PHF20: variants seen among roughly 807,000 people sequenced by gnomAD.
The protein encoded by PHF20 is glioma-expressed antigen 2.
PHF20 carries 23 observed loss-of-function variants against 113.5 expected under a neutral mutation model. The observed-to-expected ratio is 0.20, with a 90% CI of 0.15 to 0.29. The LOEUF is 0.29. Among genes scored for constraint, PHF20 ranks in the 10% least tolerant of loss-of-function variants. The pLI is 1.00. For missense variants in PHF20, 943 were observed against 1,219.6 expected, an observed-to-expected ratio of 0.77 and a Z score of 3.38; for synonymous variants, 434 against 457.3, an observed-to-expected ratio of 0.95 and a Z score of 0.65.
chr20:35,808,273 C>A (rs1007109679), intron 2 of PHF20, among the ~76,000 whole-genome samples: 2 of 151,946 alleles, frequency 1.3e-5, no homozygotes, highest in African/African-American at 4.8e-5. Flanking sequence ...TCCCGTTTTC[C>A]CTTCTGTGTT....
chr20:35,808,564 T>C (rs1292444138), intron 2 of PHF20, among the ~76,000 whole-genome samples: 1 of 151,956 alleles, frequency 6.6e-6, no homozygotes, highest in Non-Finnish European at 1.5e-5. Flanking sequence ...AATCTTCATT[T>C]ATTTATTTAT....
intron 2 of PHF20, among the ~76,000 whole-genome samples, chr20:35,811,017 TG>T (rs1465061966): frequency 6.6e-6 from 1 of 152,090 alleles, no homozygotes; most frequent in African/African-American, 2.4e-5. Context: ...TCCATTGAAA[TG>T]AAATGTGTGG....
intron 12 of PHF20, among the ~76,000 whole-genome samples, chr20:35,916,544 T>C (rs917703936): frequency 6.6e-6 from 1 of 152,238 alleles, no homozygotes; most frequent in African/African-American, 2.4e-5. Flanking sequence ...CTTGGCTCAC[T>C]GCAACCTCTG....
At chr20:35,858,246 G>A in intron 4 of PHF20, 56 bp from the exon 5 acceptor site, 1 of 930,784 alleles carries the variant, frequency 1.1e-6, no homozygotes, top group Non-Finnish European at 1.8e-6. Flanking sequence ...ACTTTGAAAA[G>A]TTACCACTTT....
chr20:35,941,124 C>T, intron 17 of PHF20, 77 bp downstream of exon 17: 2 of 1,226,958 alleles, frequency 1.6e-6, no homozygotes, highest in Non-Finnish European at 1.2e-6. Flanking sequence ...CTGAACCCCC[C>T]AGTCTGAGTT....
chr20:35,831,716 C>T (rs557230868), intron 2 of PHF20, among the ~76,000 whole-genome samples: 1 of 152,276 alleles, frequency 6.6e-6, no homozygotes, highest in African/African-American at 2.4e-5. Context: ...ACTGGGATTA[C>T]AGGTATGGGC....
At chr20:35,792,389 A>G (rs1011159427) in intron 1 of PHF20, among the ~76,000 whole-genome samples, 7 of 151,928 alleles carry the variant, frequency 4.6e-5, no homozygotes, top group Admixed American at 2.0e-4. Context: ...GGGTTTCACC[A>G]TGTTGGCCAG....
intron 14 of PHF20, among the ~76,000 whole-genome samples, chr20:35,928,210 G>C (rs900573122): frequency 1.3e-5 from 2 of 151,852 alleles, no homozygotes; most frequent in East Asian, 1.9e-4. Flanking sequence ...AGGCCAAGGC[G>C]GGTGAATCAA....
chr20:35,939,036 C>T lies in PHF20; in HGVS notation c.2640C>T (p.Ser880=). The part of the protein sequence containing the change: ...PLHENGDDSL[S]PRLGWPLDQD... ...ATGAGAACGGCGATGATTCCCTTTC[C>T]CCGCGCCTGGGCTGGCCTCTAGACC... The change falls in exon 16 of 18, where the codon TCC becomes TCT. Residue 880 remains serine (S), a synonymous_variant. Coordinates refer to ENST00000374012, the MANE Select transcript of PHF20 (RefSeq NM_016436.5). The T allele has an allele frequency of 1.2e-6, 2 of 1,614,170 alleles. No homozygotes were observed. Among genetic ancestry groups the T allele is most frequent in the Non-Finnish European group, 1.7e-6 (2 of 1,180,036 alleles).
intron 9 of PHF20, chr20:35,878,390 T>G (rs969854304): frequency 7.3e-6 from 3 of 412,134 alleles, no homozygotes; most frequent in Non-Finnish European, 4.3e-6. Context: ...TACATAGAAA[T>G]GGACCTCTTC....
intron 3 of PHF20, among the ~76,000 whole-genome samples, chr20:35,844,006 G>C (rs937385501): frequency 6.6e-6 from 1 of 151,924 alleles, no homozygotes; most frequent in Non-Finnish European, 1.5e-5. Context: ...AGGTTTTTTT[G>C]TTTTGTTTTG....
intron 2 of PHF20, among the ~76,000 whole-genome samples, chr20:35,810,188 C>T (rs1410550754): frequency 6.6e-6 from 1 of 152,090 alleles, no homozygotes; most frequent in Non-Finnish European, 1.5e-5. Context: ...CCTCCGCCTC[C>T]CAAAGTGCTG....
chr20:35,842,703 C>A lies in PHF20; in HGVS notation c.214C>A (p.Gln72Lys). The A allele has an allele frequency of 6.2e-7, 1 of 1,614,038 alleles. No individual in the cohort carries two copies. Among genetic ancestry groups the A allele is most frequent in the Non-Finnish European group, 8.5e-7 (1 of 1,179,954 alleles). ...SPYLRPLEKI[Q>K]LRKEGLHEED... Reference sequence around the variant, plus strand: ...TTATTTACGCCCTTTAGAGAAAATACAGCTGAGGAAAGAGGGCTTGCATGA... The same window carrying A: ...TTATTTACGCCCTTTAGAGAAAATAAAGCTGAGGAAAGAGGGCTTGCATGA... Residue 72 changes from glutamine (Q) to lysine (K), a missense_variant, in exon 3 of 18, where the codon CAG (glutamine) becomes AAG (lysine). This residue lies in a region of PHF20 where 592 missense variants were observed against 787.2 expected (regional missense o/e 0.75). Coordinates refer to ENST00000374012, the MANE Select transcript of PHF20 (RefSeq NM_016436.5).
chr20:35,792,514 CCCTT>C (rs1181365317), intron 1 of PHF20, among the ~76,000 whole-genome samples: 3 of 151,268 alleles, frequency 2.0e-5, no homozygotes, highest in Non-Finnish European at 2.9e-5. Context: ...TTCTTGCCTG[CCCTT>C]CCTTCCTTCC....
intron 13 of PHF20, 142 bp downstream of exon 13, chr20:35,917,804 G>A (rs1325702323): frequency 1.4e-5 from 10 of 706,042 alleles, no homozygotes; most frequent in Non-Finnish European, 1.6e-5. Context: ...TCTCTTTTTC[G>A]TTTGGCTTCC....
intron 1 of PHF20, among the ~76,000 whole-genome samples, chr20:35,788,806 G>A (rs1026754487): frequency 1.3e-5 from 2 of 151,038 alleles, no homozygotes; most frequent in South Asian, 2.1e-4. Flanking sequence ...TTGAACTGAC[G>A]TCAGGCGATC....
chr20:35,868,109 C>A (rs1568676788), intron 6 of PHF20, among the ~76,000 whole-genome samples: 1 of 151,936 alleles, frequency 6.6e-6, no homozygotes, highest in Non-Finnish European at 1.5e-5. Context: ...GCCTGACCAA[C>A]ATGGAGAAAC....
intron 10 of PHF20, among the ~76,000 whole-genome samples, chr20:35,912,141 C>G (rs933358456): frequency 6.6e-6 from 1 of 151,670 alleles, no homozygotes; most frequent in African/African-American, 2.4e-5. Flanking sequence ...CCACCAGACC[C>G]AGCTAATTTT....
chr20:35,837,604 G>C (rs1200892259), intron 2 of PHF20, among the ~76,000 whole-genome samples: 1 of 152,176 alleles, frequency 6.6e-6, no homozygotes, highest in Non-Finnish European at 1.5e-5. Flanking sequence ...TATTTTGGTA[G>C]GTAAAAAGCA....
Sources: allele counts gnomAD v4.1 joint callset (sites outside exome capture counted in the v4.1 genomes callset), GRCh38; gene constraint gnomAD v4.1.1; regional missense constraint gnomAD v4.1.1; transcripts MANE v1.5; gene names NCBI Gene and HGNC (gene_info 2026-07-23, HGNC 2026-07-21).